The following NELL1 variants were observed in gnomAD, a reference collection of about 807,000 sequenced individuals.
NELL1 encodes protein kinase C-binding protein NELL1.
A neutral mutation model predicts 107.4 loss-of-function variants in NELL1; 76 were observed. The observed-to-expected ratio is 0.71, with a 90% CI of 0.59 to 0.86. The LOEUF (loss-of-function observed/expected upper bound fraction) is 0.86. NELL1 is among the 40% of genes least tolerant of loss of function. NELL1 has a pLI of 0.00. For missense variants in NELL1, 1,024 were observed against 1,005.5 expected (o/e 1.02, Z -0.25); for synonymous variants, 353 against 341.2 (o/e 1.03, Z -0.38).
At chr11:21,441,924 T>G (rs1224098080) in intron 15 of NELL1, among the ~76,000 whole-genome samples, 1 of 152,194 alleles carries the variant, frequency 6.6e-6, no homozygotes, top group Non-Finnish European at 1.5e-5. Flanking sequence ...ATTGATATGT[T>G]ACTTTTATCA....
intron 14 of NELL1, among the ~76,000 whole-genome samples, chr11:21,363,222 A>G (rs949356418): frequency 2.6e-5 from 4 of 152,154 alleles, no homozygotes; most frequent in African/African-American, 9.7e-5. Context: ...CCCCTGTGAG[A>G]TATAGTGAAG....
intron 12 of NELL1, among the ~76,000 whole-genome samples, chr11:21,041,781 TACAC>T (rs1853239153): frequency 6.6e-6 from 1 of 152,258 alleles, no homozygotes; most frequent in African/African-American, 2.4e-5. Context: ...TTATGGGTCT[TACAC>T]AACTACAAAG....
intron 6 of NELL1, among the ~76,000 whole-genome samples, 155 bp downstream of exon 6, chr11:20,918,409 C>A (rs2134159454): frequency 6.6e-6 from 1 of 152,006 alleles, no homozygotes; most frequent in East Asian, 1.9e-4. Flanking sequence ...TTATATAATT[C>A]TGTGTCTTTA....
chr11:20,673,139 G>A (rs1853962559), intron 1 of NELL1, among the ~76,000 whole-genome samples: 1 of 152,090 alleles, frequency 6.6e-6, no homozygotes, highest in Admixed American at 6.5e-5. Context: ...TGAGATTACA[G>A]GTGTGAGCCA....
chr11:21,543,309 G>A (rs1856340306), intron 16 of NELL1, among the ~76,000 whole-genome samples: 1 of 152,006 alleles, frequency 6.6e-6, no homozygotes, highest in Non-Finnish European at 1.5e-5. Context: ...CCTTGCTTAA[G>A]GCAGATGCCA....
intron 13 of NELL1, among the ~76,000 whole-genome samples, chr11:21,212,603 A>G (rs1194029484): frequency 1.3e-5 from 2 of 152,166 alleles, no homozygotes; most frequent in African/African-American, 2.4e-5. Flanking sequence ...CACCACTTCC[A>G]TGCAGAAACA....
At chr11:20,734,843 T>C (rs1855723867) in intron 2 of NELL1, among the ~76,000 whole-genome samples, 1 of 152,140 alleles carries the variant, frequency 6.6e-6, no homozygotes, top group Non-Finnish European at 1.5e-5. Flanking sequence ...TAAAGTGTGG[T>C]TCTTGGAGCA....
chr11:20,724,595 T>G (rs1030630826), intron 2 of NELL1, among the ~76,000 whole-genome samples: 1 of 152,190 alleles, frequency 6.6e-6, no homozygotes, highest in African/African-American at 2.4e-5. Flanking sequence ...TTCATCTCCA[T>G]CCGAGACCAC....
At chr11:21,443,031 G>T (rs1853332181) in intron 15 of NELL1, among the ~76,000 whole-genome samples, 2 of 123,680 alleles carry the variant, frequency 1.6e-5, no homozygotes, top group South Asian at 5.8e-4. Flanking sequence ...CTACATACAG[G>T]GTAATTTACA....
intron 4 of NELL1, among the ~76,000 whole-genome samples, chr11:20,863,079 A>G (rs1849010482): frequency 6.6e-6 from 1 of 152,124 alleles, no homozygotes; most frequent in African/African-American, 2.4e-5. Context: ...AAAAACCGCC[A>G]TCGTCATCAT....
At chr11:21,321,255 C>A (rs1331276245) in intron 14 of NELL1, among the ~76,000 whole-genome samples, 2 of 152,108 alleles carry the variant, frequency 1.3e-5, no homozygotes, top group African/African-American at 4.8e-5. Context: ...TCATTTCCTA[C>A]CCAGCATCAG....
intron 14 of NELL1, among the ~76,000 whole-genome samples, chr11:21,242,186 C>G (rs1333115550): frequency 6.6e-6 from 1 of 152,030 alleles, no homozygotes; most frequent in Non-Finnish European, 1.5e-5. Context: ...TCCAAAACTT[C>G]AGTGGGTCCA....
intron 13 of NELL1, among the ~76,000 whole-genome samples, chr11:21,200,792 T>C (rs1857252571): frequency 6.6e-6 from 1 of 152,242 alleles, no homozygotes; most frequent in South Asian, 2.1e-4. Context: ...CTTTAATCCA[T>C]CTTGAGTTAA....
chr11:20,909,439 C>A (rs1353041399), intron 5 of NELL1, among the ~76,000 whole-genome samples: 1 of 152,168 alleles, frequency 6.6e-6, no homozygotes, highest in Non-Finnish European at 1.5e-5. Flanking sequence ...GATGGTGATG[C>A]TGCTGGTTCT....
At chr11:20,954,817 A>G (rs1851138062) in intron 11 of NELL1, among the ~76,000 whole-genome samples, 1 of 152,126 alleles carries the variant, frequency 6.6e-6, no homozygotes, top group South Asian at 2.1e-4. Flanking sequence ...AATTTACTCA[A>G]CTCCGGGCAT....
At chr11:21,504,864 G>C (rs1429723232) in intron 15 of NELL1, among the ~76,000 whole-genome samples, 1 of 151,994 alleles carries the variant, frequency 6.6e-6, no homozygotes, top group Non-Finnish European at 1.5e-5. Flanking sequence ...GCACTCTATG[G>C]ATATCACCCT....
rs1020690309 is a variant in NELL1, at chr11:21,560,396, G to A, written c.1980+14G>A. ...TGCTCCTGCAAGGTGAGGCTGATGTGGTGCAGCAGAAATTGAAACTGTTCT... is the reference window on the plus strand; with the variant it reads ...TGCTCCTGCAAGGTGAGGCTGATGTAGTGCAGCAGAAATTGAAACTGTTCT... On this transcript the variant is annotated intron_variant, in intron 17 of 19. Transcript: ENST00000357134. The A allele has an allele frequency of 3.9e-6, 6 of 1,541,816 alleles. No individual in the cohort carries two copies. Among genetic ancestry groups the A allele is most frequent in the Non-Finnish European group, 5.2e-6 (6 of 1,147,336 alleles).
chr11:20,743,990 A>G (rs961367206), intron 2 of NELL1, among the ~76,000 whole-genome samples: 1 of 152,202 alleles, frequency 6.6e-6, no homozygotes, highest in Non-Finnish European at 1.5e-5. Context: ...TTTAGGGGCC[A>G]TTCTTGAACA....
intron 12 of NELL1, among the ~76,000 whole-genome samples, chr11:21,077,950 G>C (rs915329284): frequency 3.3e-5 from 5 of 151,966 alleles, no homozygotes; most frequent in Non-Finnish European, 7.4e-5. Flanking sequence ...CCAAAATATA[G>C]ATTAGTAAAT....
Sources: gnomAD v4.1 joint callset for allele counts (sites outside exome capture counted in the v4.1 genomes callset) on GRCh38, gnomAD v4.1.1 for gene constraint, MANE v1.5 for transcripts, NCBI Gene and HGNC (gene_info 2026-07-23, HGNC 2026-07-21) for gene names.